SYNPR: variants seen among roughly 807,000 people sequenced by gnomAD.
SYNPR encodes the protein synaptoporin.
Under a neutral mutation model 32.9 loss-of-function variants are expected in SYNPR, and 23 were observed. The ratio of observed to expected loss-of-function variants is 0.70; its 90% CI spans 0.50 to 0.99. The LOEUF (loss-of-function observed/expected upper bound fraction) is 0.99. SYNPR is among the 50% of genes least tolerant of loss of function. The pLI is 0.00. For synonymous variants in SYNPR, 146 were observed against 135.9 expected (o/e 1.07, Z -0.52); for missense variants, 318 against 349.3 (o/e 0.91, Z 0.71).
intron 2 of SYNPR, among the ~76,000 whole-genome samples, chr3:63,360,152 C>G (rs1217857729): frequency 2.6e-5 from 4 of 152,164 alleles, no homozygotes; most frequent in African/African-American, 9.7e-5. Context: ...TCTCCAAACT[C>G]CAGCAGCCTC....
At chr3:63,330,721 T>C (rs1453150435) in intron 2 of SYNPR, among the ~76,000 whole-genome samples, 2 of 152,294 alleles carry the variant, frequency 1.3e-5, no homozygotes, top group African/African-American at 4.8e-5. Flanking sequence ...GGAATTATTA[T>C]TATTGTTACT....
At chr3:63,352,628 G>C (rs1010837074) in intron 2 of SYNPR, among the ~76,000 whole-genome samples, 4 of 152,152 alleles carry the variant, frequency 2.6e-5, no homozygotes, top group African/African-American at 9.7e-5. Context: ...AGAAACAATG[G>C]AGAATCCTTT....
chr3:63,246,417 G>A (rs1280519092), intron 1 of SYNPR, among the ~76,000 whole-genome samples: 1 of 152,022 alleles, frequency 6.6e-6, no homozygotes, highest in Admixed American at 6.6e-5. Context: ...CTGTGTAGCA[G>A]GCACTCTTCT....
intron 2 of SYNPR, among the ~76,000 whole-genome samples, chr3:63,425,224 A>G (rs908513929): frequency 5.3e-5 from 8 of 152,228 alleles, no homozygotes; most frequent in African/African-American, 1.9e-4. Flanking sequence ...GGGGGAAATG[A>G]GCAAATATTC....
intron 2 of SYNPR, among the ~76,000 whole-genome samples, chr3:63,449,854 T>C (rs1281055693): frequency 6.6e-6 from 1 of 152,172 alleles, no homozygotes; most frequent in Non-Finnish European, 1.5e-5. Flanking sequence ...AGTAAGACAA[T>C]ATTAAAATAT....
At chr3:63,207,383 G>T in the SYNPR span, among the ~76,000 whole-genome samples, 2 of 152,294 alleles carry the variant, frequency 1.3e-5, no homozygotes, top group African/African-American at 4.8e-5. Flanking sequence ...TTGAAATCAA[G>T]AACCAGAGCA....
intron 2 of SYNPR, among the ~76,000 whole-genome samples, chr3:63,319,257 T>C (rs1575597021): frequency 6.6e-6 from 1 of 152,070 alleles, no homozygotes; most frequent in East Asian, 1.9e-4. Flanking sequence ...TACTTCTGGG[T>C]TCTGTATTCT....
intron 2 of SYNPR, among the ~76,000 whole-genome samples, chr3:63,421,735 G>A (rs1699803969): frequency 6.6e-6 from 1 of 152,122 alleles, no homozygotes; most frequent in African/African-American, 2.4e-5. Context: ...TGAGGCTTTA[G>A]GTCCTCTTGC....
chr3:63,227,425 C>G (rs540268819), upstream of SYNPR, among the ~76,000 whole-genome samples: 1 of 152,226 alleles, frequency 6.6e-6, no homozygotes, highest in African/African-American at 2.4e-5. Flanking sequence ...GAGATAAAAT[C>G]AGAGAGAGAG....
chr3:63,348,530 TTTAA>T (rs1339843431), intron 2 of SYNPR, among the ~76,000 whole-genome samples: 3 of 152,226 alleles, frequency 2.0e-5, no homozygotes, highest in Admixed American at 1.3e-4. Flanking sequence ...AGCTTTTTAG[TTTAA>T]TTAAGTCCCC....
At chr3:63,418,058 C>G (rs1363634532) in intron 2 of SYNPR, among the ~76,000 whole-genome samples, 2 of 152,178 alleles carry the variant, frequency 1.3e-5, no homozygotes, top group East Asian at 3.9e-4. Flanking sequence ...TGTCAGGCTG[C>G]AAATTTTCCA....
intron 2 of SYNPR, among the ~76,000 whole-genome samples, chr3:63,347,355 A>G (rs1325768261): frequency 6.6e-6 from 1 of 152,214 alleles, no homozygotes; most frequent in Non-Finnish European, 1.5e-5. Context: ...GATTTTTAGT[A>G]GGAGGTAGGC....
intron 2 of SYNPR, among the ~76,000 whole-genome samples, chr3:63,376,990 C>T (rs538606940): frequency 4.6e-5 from 7 of 152,094 alleles, no homozygotes; most frequent in Non-Finnish European, 1.0e-4. Context: ...CAGTGAGTTT[C>T]ATGCCTTACA....
At chr3:63,263,486 G>C (rs1327348320) in intron 2 of SYNPR, among the ~76,000 whole-genome samples, 1 of 152,188 alleles carries the variant, frequency 6.6e-6, no homozygotes, top group Non-Finnish European at 1.5e-5. Context: ...CTAAAACTTA[G>C]TGACTGAACA....
intron 2 of SYNPR, among the ~76,000 whole-genome samples, chr3:63,414,823 T>C (rs2088518203): frequency 6.6e-6 from 1 of 152,202 alleles, no homozygotes; most frequent in South Asian, 2.1e-4. Context: ...AGCCAATGTG[T>C]TTATGCTGAA....
At chr3:63,587,329 C>G (rs746985837) in intron 4 of SYNPR, among the ~76,000 whole-genome samples, 2 of 152,094 alleles carry the variant, frequency 1.3e-5, no homozygotes, top group Non-Finnish European at 2.9e-5. Context: ...GGGAAGTACT[C>G]CTGTCCCATG....
chr3:63,530,278 G>A (rs1482246171), intron 3 of SYNPR, among the ~76,000 whole-genome samples: 3 of 152,158 alleles, frequency 2.0e-5, no homozygotes, highest in Admixed American at 2.0e-4. Flanking sequence ...GGGTGAGGGG[G>A]CACACCTAAC....
intron 3 of SYNPR, among the ~76,000 whole-genome samples, chr3:63,493,631 C>T (rs1701298291): frequency 6.6e-6 from 1 of 151,866 alleles, no homozygotes; most frequent in East Asian, 1.9e-4. Context: ...GCCTGGCCAA[C>T]ATGGTGAAAC....
intron 2 of SYNPR, among the ~76,000 whole-genome samples, chr3:63,345,184 C>T (rs1333369528): frequency 6.6e-6 from 1 of 152,158 alleles, no homozygotes; most frequent in East Asian, 1.9e-4. Flanking sequence ...ATTTTAATCT[C>T]GTGACCTTTC....
Sources: allele counts gnomAD v4.1 joint callset (sites outside exome capture counted in the v4.1 genomes callset), GRCh38; gene constraint gnomAD v4.1.1; transcripts MANE v1.5; gene names NCBI Gene and HGNC (gene_info 2026-07-23, HGNC 2026-07-21).